The following ASB5 variants were observed in gnomAD, a reference collection of about 807,000 sequenced individuals.
ASB5 encodes ankyrin repeat and SOCS box protein 5.
ASB5 carries 45 observed loss-of-function variants against 42.1 expected under a neutral mutation model. That is an observed-to-expected ratio of 1.07 (90% confidence interval 0.84 to 1.37). The LOEUF (loss-of-function observed/expected upper bound fraction) is 1.37, where lower values mean the gene tolerates loss of function less well. Among genes scored for constraint, ASB5 ranks in the 40% most tolerant of loss-of-function variants. The pLI, the probability that ASB5 is intolerant of heterozygous loss-of-function variation, is 0.00. For synonymous variants in ASB5, 147 were observed against 150.6 expected (o/e 0.98, Z 0.18); for missense variants, 402 against 399.8 (o/e 1.01, Z -0.05).
chr4:176,243,392 T>G (rs1422513733), intron 1 of ASB5, among the ~76,000 whole-genome samples: 1 of 152,232 alleles, frequency 6.6e-6, no homozygotes, highest in Non-Finnish European at 1.5e-5. Flanking sequence ...GGTAAATTTT[T>G]GAATTTTATA....
intron 1 of ASB5, among the ~76,000 whole-genome samples, chr4:176,250,064 CAA>C (rs5864368): frequency 5.5e-5 from 7 of 126,782 alleles, no homozygotes; most frequent in African/African-American, 1.5e-4. Flanking sequence ...GACTCCATCT[CAA>C]AAAAAAAAAA....
rs1487496713 is a variant in ASB5 at position 176,269,203 on chromosome 4, G to A, written c.-95C>T. The A allele has an allele frequency of 1.2e-5, 14 of 1,128,246 alleles. No individual in the cohort carries two copies. Among genetic ancestry groups the A allele is most frequent in the Non-Finnish European group, 1.7e-5 (14 of 807,078 alleles). The allele number at this position is 1,128,246 out of a possible 1,614,324, so 69.9% of individuals were successfully genotyped here. A position where few individuals can be genotyped will look rare whatever the true frequency, so the allele number is the denominator to read the frequency against. ...ATGCTCCTGAACAGCTGGTCCTGAG[G>A]AAAGAAAATATCAGCTGGTAGTGAT... On this transcript the variant is annotated 5_prime_UTR_variant, in exon 1 of 7. Transcript: ENST00000296525.
chr4:176,238,290 T>C (rs1283056235), intron 1 of ASB5, among the ~76,000 whole-genome samples: 2 of 151,768 alleles, frequency 1.3e-5, no homozygotes, highest in East Asian at 1.9e-4. Flanking sequence ...AAGTTTAGAA[T>C]TGGCTTCAAT....
At chr4:176,231,735 C>T (rs1389272363) in intron 1 of ASB5, among the ~76,000 whole-genome samples, 1 of 151,230 alleles carries the variant, frequency 6.6e-6, no homozygotes, top group Non-Finnish European at 1.5e-5. Flanking sequence ...ATGCCAGCTA[C>T]TAGGGAAGTC....
intron 1 of ASB5, among the ~76,000 whole-genome samples, chr4:176,257,995 T>G (rs1754187317): frequency 6.6e-6 from 1 of 152,192 alleles, no homozygotes; most frequent in Non-Finnish European, 1.5e-5. Context: ...TTATATTATG[T>G]GCTTGTAGTA....
intron 5 of ASB5, among the ~76,000 whole-genome samples, 181 bp downstream of exon 5, chr4:176,220,974 T>C (rs191931939): frequency 1.3e-5 from 2 of 152,342 alleles, no homozygotes; most frequent in African/African-American, 4.8e-5. Context: ...AGAACGAGGT[T>C]CTTTTTTATT....
intron 2 of ASB5, among the ~76,000 whole-genome samples, chr4:176,224,134 C>T (rs1378211997): frequency 6.6e-6 from 1 of 151,192 alleles, no homozygotes; most frequent in Non-Finnish European, 1.5e-5. Flanking sequence ...CATGACCTTT[C>T]CTTTCTTCGT....
chr4:176,261,701 C>T (rs1227470130), intron 1 of ASB5, among the ~76,000 whole-genome samples: 1 of 152,168 alleles, frequency 6.6e-6, no homozygotes, highest in Non-Finnish European at 1.5e-5. Context: ...AATCTCTTCC[C>T]TTTCTGACTT....
Position 176,225,279 on chromosome 4 carries a change from T to C in ASB5, c.259A>G (p.Arg87Gly). ...AASQGRLLAL[R>G]TLLSQGYNVN... ...TATATTACCTGTGATAATAATGTTC[T>C]CAGAGCAAGAAGGCGACCTTGACTT... is the stretch of plus-strand genomic sequence containing the variant. Residue 87 changes from arginine to glycine, a missense_variant, in exon 2 of 7, where the codon AGA becomes GGA. Physicochemically the swap from Arg to Gly is moderately radical, Grantham distance 125 (BLOSUM62 -2). Transcript: ENST00000296525. 6.2e-7 allele frequency: 1 copy of C among 1,613,644 alleles called. No individual in the cohort carries two copies. Among genetic ancestry groups the C allele is most frequent in the South Asian group, 1.1e-5 (1 of 91,070 alleles).
chr4:176,219,779 C>T (rs1459111354), intron 5 of ASB5, among the ~76,000 whole-genome samples: 1 of 150,996 alleles, frequency 6.6e-6, no homozygotes, highest in East Asian at 1.9e-4. Context: ...GTTGGCCAGG[C>T]TGGTCTCAAA....
chr4:176,258,577 A>G (rs1328909490), intron 1 of ASB5, among the ~76,000 whole-genome samples: 1 of 152,224 alleles, frequency 6.6e-6, no homozygotes, highest in Non-Finnish European at 1.5e-5. Flanking sequence ...GTAGCCCGTT[A>G]AAATTCAGTC....
intron 1 of ASB5, among the ~76,000 whole-genome samples, chr4:176,249,860 T>C (rs918800603): frequency 1.3e-5 from 2 of 151,726 alleles, no homozygotes; most frequent in African/African-American, 4.8e-5. Flanking sequence ...GGTCAGGAGA[T>C]GGAGACCATC....
intron 1 of ASB5, among the ~76,000 whole-genome samples, chr4:176,228,779 A>G (rs1296257579): frequency 1.3e-5 from 2 of 152,206 alleles, no homozygotes; most frequent in Non-Finnish European, 2.9e-5. Flanking sequence ...GTAATATGCA[A>G]ACGTTATCAT....
At chr4:176,266,414 G>A (rs1754356445) in intron 1 of ASB5, among the ~76,000 whole-genome samples, 1 of 152,002 alleles carries the variant, frequency 6.6e-6, no homozygotes, top group African/African-American at 2.4e-5. Context: ...GAAATTGCTG[G>A]ATTAAACAGA....
rs1752921409 is a variant in ASB5 at position 176,214,770 on chromosome 4, T to C, written c.*830A>G. The C allele has an allele frequency of 6.6e-6, 1 of 152,118 alleles. No homozygotes were observed. The highest frequency in any genetic ancestry group is 1.5e-5 in the Non-Finnish European group (1 of 68,022). The allele number at this position is 152,118 out of a possible 1,614,324, so 9.4% of individuals were successfully genotyped here. Reference sequence around the variant, plus strand: ...TTTGTTAATTAGATATATAGTTCATTTTCTTAAGTCCAAGTATCACTAGCT... The same window carrying C: ...TTTGTTAATTAGATATATAGTTCATCTTCTTAAGTCCAAGTATCACTAGCT... On this transcript the variant is annotated 3_prime_UTR_variant, in exon 7 of 7. Transcript: ENST00000296525.
At chr4:176,237,731 T>G (rs140273417) in intron 1 of ASB5, among the ~76,000 whole-genome samples, 1,634 of 152,354 alleles carry the variant, frequency 0.011, 30 homozygotes, top group African/African-American at 0.037. Flanking sequence ...GTGGGTATAA[T>G]TGCTTTTCCT....
chr4:176,247,424 T>A (rs939577276), intron 1 of ASB5, among the ~76,000 whole-genome samples: 1 of 152,224 alleles, frequency 6.6e-6, no homozygotes, highest in South Asian at 2.1e-4. Context: ...GATCTTGTTC[T>A]GTCTATGAAG....
intron 5 of ASB5, among the ~76,000 whole-genome samples, chr4:176,217,265 G>A (rs13147846): frequency 0.16 from 23,855 of 151,994 alleles, 2,490 homozygotes; most frequent in Middle Eastern, 0.29. Flanking sequence ...GTGACTCTCT[G>A]ATACTTTTCT....
rs371000228 is a variant in ASB5 at position 176,269,151 on chromosome 4, C to T, written c.-43G>A. The T allele has an allele frequency of 4.7e-4, 744 of 1,568,212 alleles. 13 individuals carry two copies. The South Asian group carries it at 7.8e-3, about 17-fold the overall frequency. On this transcript the variant is annotated 5_prime_UTR_variant, in exon 1 of 7. Coordinates refer to ENST00000296525, the MANE Select transcript of ASB5 (RefSeq NM_080874.4). Reference sequence around the variant, plus strand: ...CGGCGGTCTTTAGTTGGATCCAAGTCTCAAATGTGCCTGGCTCTCGTCCGG... The same window carrying T: ...CGGCGGTCTTTAGTTGGATCCAAGTTTCAAATGTGCCTGGCTCTCGTCCGG...
Sources: gnomAD v4.1 joint callset for allele counts (sites outside exome capture counted in the v4.1 genomes callset) on GRCh38, gnomAD v4.1.1 for gene constraint, MANE v1.5 for transcripts, NCBI Gene and HGNC (gene_info 2026-07-23, HGNC 2026-07-21) for gene names.